CUL4A: variants seen among roughly 807,000 people sequenced by gnomAD.
The protein encoded by CUL4A is cullin 4A.
Under a neutral mutation model 95.5 loss-of-function variants are expected in CUL4A, and 16 were observed. That is an observed-to-expected ratio of 0.17 (90% CI 0.11 to 0.25). The LOEUF is 0.25. Among genes scored for constraint, CUL4A ranks in the 10% least tolerant of loss-of-function variants. The pLI, the probability that CUL4A is intolerant of heterozygous loss-of-function variation, is 1.00. For synonymous variants in CUL4A, 380 were observed against 353.1 expected, an observed-to-expected ratio of 1.08 and a Z score of -0.85; for missense variants, 610 against 937.0, an observed-to-expected ratio of 0.65 and a Z score of 4.56.
intron 18 of CUL4A, among the ~76,000 whole-genome samples, chr13:113,256,236 C>A (rs543058056): frequency 6.6e-6 from 1 of 152,286 alleles, no homozygotes; most frequent in Non-Finnish European, 1.5e-5. Context: ...CGTTGCTGAT[C>A]GCAGTCTTCT....
intron 12 of CUL4A, 136 bp from the exon 13 acceptor site, chr13:113,244,813 C>T (rs1249721357): frequency 1.5e-6 from 1 of 645,176 alleles, no homozygotes; most frequent in Non-Finnish European, 2.7e-6. Context: ...GCACTCCAGC[C>T]TGGGCAACAG....
intron 15 of CUL4A, among the ~76,000 whole-genome samples, chr13:113,250,096 A>T (rs956908857): frequency 6.6e-6 from 1 of 152,088 alleles, no homozygotes; most frequent in African/African-American, 2.4e-5. Context: ...TTATGGTAAA[A>T]TCACATTTAT....
chr13:113,228,556 C>T lies in CUL4A; in HGVS notation c.438+511C>T, dbSNP rs149834156. ...AGGAGACGATGGGTGTATTTCTTTT[C>T]TGGGCCAGGTAGCTGGCAGCTGCTA... On this transcript the variant is annotated intron_variant, in intron 4 of 19. Transcript: ENST00000375440. Among the ~76,000 whole-genome samples the T allele has an allele frequency of 2.5e-3, 378 of 152,106 alleles. 1 individual carries two copies. The highest frequency in any genetic ancestry group is 8.9e-3 in the African/African-American group (369 of 41,492).
At chr13:113,262,231 C>T (rs1043626806) in intron 19 of CUL4A, among the ~76,000 whole-genome samples, 2 of 152,378 alleles carry the variant, frequency 1.3e-5, no homozygotes, top group East Asian at 1.9e-4. Flanking sequence ...TGGCTGTTCC[C>T]TCTGGGCAGA....
chr13:113,225,611 A>C (rs1281539044), intron 3 of CUL4A, among the ~76,000 whole-genome samples: 1 of 152,206 alleles, frequency 6.6e-6, no homozygotes, highest in Non-Finnish European at 1.5e-5. Context: ...GTTAAGTTTA[A>C]AGGATCTGTG....
chr13:113,244,378 T>C (rs1183889177), intron 11 of CUL4A, 32 bp from the exon 12 acceptor site: 1 of 1,492,122 alleles, frequency 6.7e-7, no homozygotes, highest in South Asian at 1.2e-5. Flanking sequence ...TTTTTCTAGT[T>C]TAGAGTATTT....
intron 2 of CUL4A, among the ~76,000 whole-genome samples, chr13:113,215,056 C>T (rs569651334): frequency 7.5e-5 from 11 of 146,722 alleles, no homozygotes; most frequent in Non-Finnish European, 1.5e-4. Flanking sequence ...GTCTATGTGA[C>T]TGTGGAGGTT....
chr13:113,260,211 A>AAAAAAAAAAAAAAAAAAAC (rs1197388632), intron 18 of CUL4A, among the ~76,000 whole-genome samples: 22 of 119,516 alleles, frequency 1.8e-4, no homozygotes, highest in African/African-American at 7.9e-4. Context: ...CTCAAAAAAA[A>AAAAAAAAAAAAAAAAAAAC]AAAAAAAACC....
At chr13:113,232,020 A>ACCACTACCATTACTGCCACCACTACCCGC (rs1566342633) in intron 5 of CUL4A, among the ~76,000 whole-genome samples, 1 of 32,214 alleles carries the variant, frequency 3.1e-5, no homozygotes, top group East Asian at 1.2e-3. Flanking sequence ...TGCCACCACC[A>ACCACTACCATTACTGCCACCACTACCCGC]CCACCACCAT....
In CUL4A at chr13:113,245,141, G is replaced by T. The variant is rs1354662572; in HGVS notation, c.1445-11G>T. The T allele has an allele frequency of 6.2e-7, 1 of 1,614,090 alleles. No individual in the cohort carries two copies. Among genetic ancestry groups the T allele is most frequent in the South Asian group, 1.1e-5 (1 of 91,082 alleles). ...TTACCCCGATCTCACTCCCTCCTTT[G>T]CTGTGTCCAGAGTGCGGTGCAGCCT... On this transcript the variant is annotated splice_polypyrimidine_tract_variant and intron_variant, in intron 13 of 19. Transcript: ENST00000375440.
Position 113,254,729 on chromosome 13 carries a change from C to G in CUL4A, c.1789C>G (p.Leu597Val), listed in dbSNP as rs756253602. 3.1e-6 allele frequency: 5 copies of G among 1,613,198 alleles called. No individual in the cohort carries two copies. Among genetic ancestry groups the G allele is most frequent in the Admixed American group, 3.3e-5 (2 of 59,718 alleles). ...ATTCCAGGTGTCCCTCTTCCAGACA[C>G]TGGTGCTCCTCATGTTCAACGAGGG... ...KEFQVSLFQT[L>V]VLLMFNEGDG... Residue 597 changes from leucine (L) to valine (V), a missense_variant, in exon 17 of 20, where the codon CTG becomes GTG. Physicochemically the swap from Leu to Val is conservative, Grantham distance 32 (BLOSUM62 1). Around this residue, in one of 10 missense-constraint regions of CUL4A, gnomAD observed 72 missense variants for 93.2 expected, o/e 0.77. Coordinates refer to ENST00000375440, the MANE Select transcript of CUL4A (RefSeq NM_001008895.4).
intron 2 of CUL4A, among the ~76,000 whole-genome samples, chr13:113,218,377 C>T (rs566692915): frequency 6.6e-6 from 1 of 152,258 alleles, no homozygotes; most frequent in East Asian, 1.9e-4. Context: ...CCTGTGTCAC[C>T]CAGAAAAAGC....
chr13:113,226,486 C>A (rs2041109812), intron 3 of CUL4A, among the ~76,000 whole-genome samples: 1 of 152,202 alleles, frequency 6.6e-6, no homozygotes, highest in Admixed American at 6.5e-5. Flanking sequence ...GTTTCGTAAA[C>A]CATAAAGCAG....
chr13:113,263,587 TCTGCAGA>T lies in CUL4A; in HGVS notation c.*7_*13del. The T allele has an allele frequency of 6.4e-7, 1 of 1,564,338 alleles. No individual in the cohort carries two copies. The highest frequency in any genetic ancestry group is 1.4e-5 in the African/African-American group (1 of 72,854). ...CAGTACCACTACGTGGCCTGACGCA[TCTGCAGA>T]CGGTTCCCCTTCATGAAACACTAGA... On this transcript the variant is annotated 3_prime_UTR_variant, in exon 20 of 20. Coordinates refer to ENST00000375440, the MANE Select transcript of CUL4A (RefSeq NM_001008895.4).
At chr13:113,229,689 G>A (rs1413763066) in intron 5 of CUL4A, 170 bp downstream of exon 5, 2 of 590,160 alleles carry the variant, frequency 3.4e-6, no homozygotes, top group Non-Finnish European at 6.0e-6. Flanking sequence ...TCTTAGCCTT[G>A]AAACACCAGG....
intron 15 of CUL4A, among the ~76,000 whole-genome samples, chr13:113,246,337 C>T (rs2041857071): frequency 6.6e-6 from 1 of 152,200 alleles, no homozygotes; most frequent in South Asian, 2.1e-4. Context: ...GCTTATTAAG[C>T]TGCGGTTCTT....
intron 10 of CUL4A, among the ~76,000 whole-genome samples, chr13:113,240,084 G>C (rs542041354): frequency 2.5e-4 from 38 of 152,288 alleles, no homozygotes; most frequent in South Asian, 4.1e-4. Context: ...GTGGCTTCTT[G>C]GGCAGTACCC....
chr13:113,235,139 G>A lies in CUL4A; in HGVS notation c.842G>A (p.Ser281Asn). ...AGAGTAATCACTTACTTGGACCACA[G>A]CACACAGTAAGTACCGTTTGCTCGC... The part of the protein sequence containing the change: ...GDRVITYLDH[S>N]TQKPLIACVE... Residue 281 changes from serine to asparagine, a missense_variant, in exon 8 of 20, where the codon AGC (serine) becomes AAC (asparagine). Coordinates refer to ENST00000375440, the MANE Select transcript of CUL4A (RefSeq NM_001008895.4). 2 of 1,610,462 alleles carry A rather than the reference G, an allele frequency of 1.2e-6. No homozygotes were observed. Among genetic ancestry groups the A allele is most frequent in the Non-Finnish European group, 1.7e-6 (2 of 1,176,790 alleles).
chr13:113,216,103 GTGGAGGTCGCTGTGTGACTA>G (rs1352147189), intron 2 of CUL4A, among the ~76,000 whole-genome samples: 1 of 150,550 alleles, frequency 6.6e-6, no homozygotes, highest in African/African-American at 2.5e-5. Context: ...CCATGTGGCT[GTGGAGGTCGCTGTGTGACTA>G]TGGAGGTCTC....
Sources: gnomAD v4.1 joint callset for allele counts (sites outside exome capture counted in the v4.1 genomes callset) on GRCh38, gnomAD v4.1.1 for gene constraint, gnomAD v4.1.1 regional missense constraint, MANE v1.5 for transcripts, NCBI Gene and HGNC (gene_info 2026-07-23, HGNC 2026-07-21) for gene names.